The following CIT variants were observed in gnomAD, a reference collection of about 807,000 sequenced individuals.
CIT encodes citron Rho-interacting kinase.
Under a neutral mutation model 272.7 loss-of-function variants are expected in CIT, and 79 were observed. That is an observed-to-expected ratio of 0.29 (90% confidence interval 0.24 to 0.35). CIT has a LOEUF of 0.35. CIT is among the 10% of genes least tolerant of loss of function. The probability of loss-of-function intolerance (pLI) is 1.00; values close to 1 mark genes in which losing one functional copy is unlikely to be tolerated. For missense variants in CIT, 1,909 were observed against 2,618.3 expected (o/e 0.73, Z 5.91); for synonymous variants, 948 against 995.6 (o/e 0.95, Z 0.90).
intron 3 of CIT, 65 bp downstream of exon 3, chr12:119,868,994 GC>G: frequency 6.3e-7 from 1 of 1,575,000 alleles, no homozygotes; most frequent in Non-Finnish European, 8.7e-7. Flanking sequence ...AACTCATTCT[GC>G]CTCAAGCATC....
intron 26 of CIT, among the ~76,000 whole-genome samples, chr12:119,731,978 G>C (rs935962271): frequency 3.3e-5 from 5 of 151,808 alleles, no homozygotes; most frequent in Admixed American, 2.6e-4. Flanking sequence ...TTGGACTACA[G>C]GCACGTGCCA....
chr12:119,830,348 A>G (rs550142869), intron 7 of CIT, among the ~76,000 whole-genome samples: 106 of 152,072 alleles, frequency 7.0e-4, no homozygotes, highest in African/African-American at 2.5e-3. Context: ...TGTTACAATT[A>G]TAACTGAAAA....
chr12:119,693,125 G>A (rs1041472076), intron 46 of CIT, among the ~76,000 whole-genome samples: 30 of 152,202 alleles, frequency 2.0e-4, no homozygotes, highest in Non-Finnish European at 3.1e-4. Flanking sequence ...CATTCAGGAC[G>A]TCAGCTGAGA....
At chr12:119,733,616 T>C (rs1958595406) in intron 26 of CIT, among the ~76,000 whole-genome samples, 1 of 151,952 alleles carries the variant, frequency 6.6e-6, no homozygotes, top group Non-Finnish European at 1.5e-5. Context: ...ACAGGGGATA[T>C]TGGGGGCAAT....
At chr12:119,834,038 G>T in intron 6 of CIT, 48 bp downstream of exon 6, 1 of 1,548,890 alleles carries the variant, frequency 6.5e-7, no homozygotes, top group South Asian at 1.2e-5. Flanking sequence ...ACTCTTATGC[G>T]ACACAGGAAA....
At chr12:119,733,431 G>A (rs987489878) in intron 26 of CIT, among the ~76,000 whole-genome samples, 87 of 140,546 alleles carry the variant, frequency 6.2e-4, no homozygotes, top group Non-Finnish European at 1.3e-3. Flanking sequence ...CTACTTGGGA[G>A]GCTGAAGAAG....
At chr12:119,836,333 C>A (rs764642387) in intron 5 of CIT, among the ~76,000 whole-genome samples, 20 of 134,886 alleles carry the variant, frequency 1.5e-4, no homozygotes, top group Admixed American at 2.2e-4. Context: ...AAGAGGAACA[C>A]TTAGAAGGGG....
Position 119,710,284 on chromosome 12 carries a change from T to C in CIT, c.5038A>G (p.Ile1680Val), listed in dbSNP as rs370285719. ...GIGAVFQIYI[I>V]KDLEKLLMIA... ...ATGAGTAGCTTCTCCAGGTCCTTGA[T>C]AATATAAATTTGGAAGACTGCTCCA... is the stretch of plus-strand genomic sequence containing the variant. Residue 1680 changes from isoleucine (I) to valine (V), a missense_variant, in exon 39 of 48, where the codon ATC (isoleucine) becomes GTC (valine). Transcript: ENST00000392521. The surrounding 1 kb of genome is among the most constrained non-coding windows in gnomAD (Gnocchi z 5.6). 5.0e-6 allele frequency: 8 copies of C among 1,614,124 alleles called. No homozygotes were observed. Among genetic ancestry groups the C allele is most frequent in the African/African-American group, 1.3e-5 (1 of 74,938 alleles).
At chr12:119,794,430 G>A (rs115925700) in intron 10 of CIT, among the ~76,000 whole-genome samples, 196 of 152,320 alleles carry the variant, frequency 1.3e-3, no homozygotes, top group African/African-American at 4.2e-3. Context: ...TCCAGCACCT[G>A]CAAGTAGAGA....
At chr12:119,760,186 CAAAA>C (rs556831232) in intron 20 of CIT, among the ~76,000 whole-genome samples, 2 of 63,032 alleles carry the variant, frequency 3.2e-5, no homozygotes. Context: ...GATTCCATCT[CAAAA>C]AAAAAAAAAA....
At chr12:119,708,128 A>T (rs1161132787) in intron 40 of CIT, 51 bp downstream of exon 40, 1 of 1,453,672 alleles carries the variant, frequency 6.9e-7, no homozygotes, top group South Asian at 1.5e-5. Context: ...GAAGAGAGGT[A>T]GTGTCAATTT....
chr12:119,855,676 T>G (rs1970540330), intron 4 of CIT, among the ~76,000 whole-genome samples: 1 of 152,162 alleles, frequency 6.6e-6, no homozygotes, highest in Admixed American at 6.5e-5. Context: ...AAGGAATGAA[T>G]AGGCGGCTTT....
At chr12:119,766,399 ATT>A (rs1962458584) in intron 19 of CIT, among the ~76,000 whole-genome samples, 1 of 152,244 alleles carries the variant, frequency 6.6e-6, no homozygotes, top group Admixed American at 6.5e-5. Flanking sequence ...AACATCACAT[ATT>A]CTCACTTATT....
At chr12:119,833,089 C>T (rs1439845688) in intron 6 of CIT, among the ~76,000 whole-genome samples, 5 of 151,194 alleles carry the variant, frequency 3.3e-5, no homozygotes, top group Middle Eastern at 3.4e-3. Flanking sequence ...AGAAAAAGGG[C>T]GAGAGGGAGC....
At chr12:119,775,359 C>T (rs1963644276) in intron 16 of CIT, among the ~76,000 whole-genome samples, 1 of 152,174 alleles carries the variant, frequency 6.6e-6, no homozygotes, top group South Asian at 2.1e-4. Flanking sequence ...TAAACCAAAT[C>T]CACGCCCCTT....
chr12:119,774,653 G>A (rs1256430333), intron 16 of CIT, among the ~76,000 whole-genome samples: 1 of 151,960 alleles, frequency 6.6e-6, no homozygotes, highest in Non-Finnish European at 1.5e-5. Context: ...ATGAAGCTAG[G>A]GAAAAAATTA....
chr12:119,832,566 A>T (rs1368147361), intron 7 of CIT, among the ~76,000 whole-genome samples: 1 of 152,210 alleles, frequency 6.6e-6, no homozygotes, highest in Non-Finnish European at 1.5e-5. Context: ...GCTCCTAAAA[A>T]TGTCTTGGAG....
At position 119,728,585 on chromosome 12, in the gene CIT, GCTT is replaced by G. The variant is rs747680316; in HGVS notation, c.3505_3507del (p.Lys1169del). The G allele has an allele frequency of 1.9e-6, 3 of 1,612,634 alleles. No homozygotes were observed. Among genetic ancestry groups the G allele is most frequent in the Non-Finnish European group, 2.5e-6 (3 of 1,178,970 alleles). On this transcript the variant is annotated inframe_deletion, in exon 28 of 48. Coordinates refer to ENST00000392521, the MANE Select transcript of CIT (RefSeq NM_001206999.2). The surrounding 1 kb of genome is among the most constrained non-coding windows in gnomAD (Gnocchi z 4.3). ...CGGGCATTCATTTCAAGCATAGCAT[GCTT>G]CTTCTCCAGGTCATTGAGCTAGACA...
At chr12:119,855,584 T>C (rs1970534386) in intron 4 of CIT, among the ~76,000 whole-genome samples, 2 of 151,798 alleles carry the variant, frequency 1.3e-5, no homozygotes, top group Non-Finnish European at 2.9e-5. Context: ...TTCCCTTCAC[T>C]GCTTGTGCTG....
Sources: allele counts gnomAD v4.1 joint callset (sites outside exome capture counted in the v4.1 genomes callset), GRCh38; gene constraint gnomAD v4.1.1; non-coding constraint Gnocchi (gnomAD v3.1); transcripts MANE v1.5; gene names NCBI Gene and HGNC (gene_info 2026-07-23, HGNC 2026-07-21).